ASCC3: variants seen among roughly 807,000 people sequenced by gnomAD.
ASCC3 encodes the protein activating signal cointegrator 1 complex subunit 3.
Under a neutral mutation model 256.3 loss-of-function variants are expected in ASCC3, and 158 were observed. The ratio of observed to expected loss-of-function variants is 0.62; its 90% CI spans 0.54 to 0.70. The LOEUF (loss-of-function observed/expected upper bound fraction) is 0.70. ASCC3 is among the 30% of genes least tolerant of loss of function. The probability of loss-of-function intolerance (pLI) is 0.00; values close to 1 mark genes in which losing one functional copy is unlikely to be tolerated. For synonymous variants in ASCC3, 948 were observed against 883.4 expected (o/e 1.07, Z -1.30); for missense variants, 2,259 against 2,626.0 (o/e 0.86, Z 3.05).
intron 1 of ASCC3, among the ~76,000 whole-genome samples, chr6:100,875,226 C>T (rs190174587): frequency 1.3e-5 from 2 of 152,156 alleles, no homozygotes; most frequent in East Asian, 3.9e-4. Flanking sequence ...ACTTGGAAGA[C>T]AGAATCAATG....
chr6:100,512,631 G>T, intron 40 of ASCC3, 78 bp downstream of exon 40: 1 of 1,370,054 alleles, frequency 7.3e-7, no homozygotes, highest in Non-Finnish European at 1.0e-6. Flanking sequence ...GGGCACATTA[G>T]TCACATAACA....
intron 36 of ASCC3, among the ~76,000 whole-genome samples, chr6:100,565,632 C>T (rs4440471): frequency 6.6e-6 from 1 of 152,026 alleles, no homozygotes; most frequent in Non-Finnish European, 1.5e-5. Context: ...GTGTCATAGT[C>T]TAAACCCCAG....
At chr6:100,644,274 A>G (rs1775274228) in intron 22 of ASCC3, 145 bp from the exon 23 acceptor site, 3 of 652,500 alleles carry the variant, frequency 4.6e-6, no homozygotes, top group African/African-American at 1.8e-5. Flanking sequence ...ATACAGTTAA[A>G]TGATTTTAAT....
intron 36 of ASCC3, among the ~76,000 whole-genome samples, chr6:100,576,512 A>C (rs1419052598): frequency 6.6e-6 from 1 of 152,038 alleles, no homozygotes; most frequent in Admixed American, 6.6e-5. Context: ...AGGGTATAAA[A>C]AAAAGTTCTA....
rs1476989266 is a variant in ASCC3, at chr6:100,584,089, G to C, written c.5550+5545C>G. On this transcript the variant is annotated intron_variant, in intron 36 of 41. Transcript: ENST00000369162. ...TTGATTTGGGGTGGAGAGTTCTGTAGATGTCTATTAGGTCTGCTTGGTGCA... is the reference window on the plus strand; with the variant it reads ...TTGATTTGGGGTGGAGAGTTCTGTACATGTCTATTAGGTCTGCTTGGTGCA... 2.0e-5 allele frequency among the ~76,000 whole-genome samples: 3 copies of C among 151,660 alleles called. No homozygotes were observed. In the East Asian group the frequency reaches 5.8e-4, roughly 29 times the overall value.
At chr6:100,714,655 G>T (rs1779006270) in intron 13 of ASCC3, among the ~76,000 whole-genome samples, 1 of 137,120 alleles carries the variant, frequency 7.3e-6, no homozygotes, top group African/African-American at 2.6e-5. Context: ...TATTATTCTT[G>T]CTAGTATACA....
intron 33 of ASCC3, 23 bp from the exon 34 acceptor site, chr6:100,601,958 GA>G (rs1562154939): frequency 6.2e-7 from 1 of 1,609,630 alleles, no homozygotes. Flanking sequence ...CAAGACATGG[GA>G]AGCATACAAG....
chr6:100,561,344 T>C (rs1010170227), intron 36 of ASCC3, among the ~76,000 whole-genome samples: 1 of 152,140 alleles, frequency 6.6e-6, no homozygotes, highest in Non-Finnish European at 1.5e-5. Context: ...TTAACACTGT[T>C]CTAAATGTAT....
chr6:100,520,211 C>A (rs1448159660), intron 37 of ASCC3, among the ~76,000 whole-genome samples: 1 of 152,070 alleles, frequency 6.6e-6, no homozygotes, highest in African/African-American at 2.4e-5. Context: ...TAAAAGTGAT[C>A]ATATCATTCC....
intron 30 of ASCC3, among the ~76,000 whole-genome samples, chr6:100,611,305 A>C (rs1227972346): frequency 6.6e-6 from 1 of 152,166 alleles, no homozygotes; most frequent in Non-Finnish European, 1.5e-5. Flanking sequence ...GAACATCATA[A>C]AAAGCAAAAT....
rs1464133159 is a variant in ASCC3, at chr6:100,652,856, A to G, written c.2857T>C (p.Leu953=). Residue 953 remains leucine (L), a synonymous_variant, in exon 18 of 42, where the codon TTG becomes CTG. Transcript: ENST00000369162. The part of the protein sequence containing the change: ...DPTLRKHREQ[L]VIEVGRKLDK... The stretch of plus-strand genomic sequence containing the variant: ...AGTTTTCGTCCAACTTCAATGACCA[A>G]CTGTTCTCGATGCTTTCTTAATGTT... The G allele has an allele frequency of 3.1e-6, 5 of 1,613,898 alleles. No homozygotes were observed. Among genetic ancestry groups the G allele is most frequent in the Non-Finnish European group, 4.2e-6 (5 of 1,179,920 alleles).
chr6:100,555,841 T>G (rs183146657), intron 36 of ASCC3, among the ~76,000 whole-genome samples: 1 of 152,114 alleles, frequency 6.6e-6, no homozygotes, highest in African/African-American at 2.4e-5. Flanking sequence ...AAAAGCCAAA[T>G]AGCCAATAGC....
In ASCC3 at chr6:100,679,598, T is replaced by C. The variant is rs142165322; in HGVS notation, c.2286+20A>G. The C allele has an allele frequency of 0.016, 25,290 of 1,613,176 alleles. 238 individuals are homozygous for C. Among genetic ancestry groups the C allele is most frequent in the Non-Finnish European group, 0.019 (22,734 of 1,179,422 alleles). Reference sequence around the variant, plus strand: ...TGTGGCATGTTACATGCTTTAGTTCTTGTCCTCTTTGTTTCTTACCTGTTT... The same window carrying C: ...TGTGGCATGTTACATGCTTTAGTTCCTGTCCTCTTTGTTTCTTACCTGTTT... On this transcript the variant is annotated intron_variant, in intron 14 of 41. Transcript: ENST00000369162.
intron 4 of ASCC3, among the ~76,000 whole-genome samples, chr6:100,807,084 TTA>T (rs1455485202): frequency 1.3e-5 from 2 of 151,864 alleles, no homozygotes; most frequent in Non-Finnish European, 2.9e-5. Flanking sequence ...CTGCACTATA[TTA>T]ACACTGTTGA....
Position 100,787,969 on chromosome 6 carries a change from T to G in ASCC3, c.1395+10744A>C, listed in dbSNP as rs540697381. 2.0e-4 allele frequency among the ~76,000 whole-genome samples: 30 copies of G among 152,078 alleles called. No homozygotes were observed. In the South Asian group the frequency reaches 6.0e-3, roughly 31 times the overall value. ...CAAAAAGCATAATCGAGTTTTTTTT[T>G]TTGTTTATAGAATGAACTTCAAGGG... On this transcript the variant is annotated intron_variant, in intron 8 of 41. Transcript: ENST00000369162.
At chr6:100,874,242 C>G (rs374709133) in intron 1 of ASCC3, among the ~76,000 whole-genome samples, 3 of 151,926 alleles carry the variant, frequency 2.0e-5, no homozygotes, top group African/African-American at 4.8e-5. Context: ...CCGAGGCAGG[C>G]GGATCACGAG....
At position 100,804,001 on chromosome 6, in the gene ASCC3, ACCT is replaced by A. The variant is rs531906154; in HGVS notation, c.922+1756_922+1758del. ...ATTGTTTTCCTATTTACCACTTAAA[ACCT>A]GAGTTTCGCATCAGCTATGTTTTAA... On this transcript the variant is annotated intron_variant, in intron 5 of 41. Coordinates refer to ENST00000369162, the MANE Select transcript of ASCC3 (RefSeq NM_006828.4). 1.6e-4 allele frequency among the ~76,000 whole-genome samples: 24 copies of A among 152,268 alleles called. No individual in the cohort carries two copies. The South Asian group carries it at 4.1e-3, about 26-fold the overall frequency.
chr6:100,516,082 G>A (rs1774011710), intron 39 of ASCC3, 98 bp downstream of exon 39: 1 of 1,434,746 alleles, frequency 7.0e-7, no homozygotes, highest in Admixed American at 1.7e-5. Flanking sequence ...TTAACTCAAG[G>A]TGAGCCTGGT....
In ASCC3 at chr6:100,650,590, C is replaced by T. The variant is rs746929248; in HGVS notation, c.3200G>A (p.Arg1067Gln). 39 of 1,612,612 alleles carry T rather than the reference C, an allele frequency of 2.4e-5. No homozygotes were observed. The highest frequency in any genetic ancestry group is 1.6e-4 in the Middle Eastern group (1 of 6,080). Residue 1067 changes from arginine (R) to glutamine (Q), a missense_variant, in exon 20 of 42, where the codon CGA becomes CAA. Around this residue, in one of 2 missense-constraint regions of ASCC3, gnomAD observed 1,839 missense variants for 2,206.7 expected, o/e 0.83. Transcript: ENST00000369162. ...AAGGGAGAAACTGTCCATTTCTCCT[C>T]GGCTGATATAAGTTTGAAGTAAGAT... ...INILLQTYISRGEMDSFSLIS... is the reference protein window; with the variant it reads ...INILLQTYISQGEMDSFSLIS...
Sources: gnomAD v4.1 joint callset for allele counts (sites outside exome capture counted in the v4.1 genomes callset) on GRCh38, gnomAD v4.1.1 for gene constraint, gnomAD v4.1.1 regional missense constraint, MANE v1.5 for transcripts, NCBI Gene and HGNC (gene_info 2026-07-23, HGNC 2026-07-21) for gene names.